Variants in PITPNM2 observed in about 807,000 individuals in gnomAD.
The protein encoded by PITPNM2 is membrane-associated phosphatidylinositol transfer protein 2.
In PITPNM2, 35 loss-of-function variants were observed where a neutral mutation model predicts 132.2. The observed-to-expected ratio is 0.26, with a 90% CI of 0.20 to 0.35. The LOEUF (loss-of-function observed/expected upper bound fraction) is 0.35, where lower values mean the gene tolerates loss of function less well. Among genes scored for constraint, PITPNM2 ranks in the 10% least tolerant of loss-of-function variants. The pLI, the probability that PITPNM2 is intolerant of heterozygous loss-of-function variation, is 1.00. For synonymous variants in PITPNM2, 738 were observed against 799.2 expected, an observed-to-expected ratio of 0.92 and a Z score of 1.29; for missense variants, 1,332 against 1,912.0, an observed-to-expected ratio of 0.70 and a Z score of 5.66.
intron 2 of PITPNM2, among the ~76,000 whole-genome samples, chr12:123,057,644 C>A (rs1040771894): frequency 6.6e-6 from 1 of 152,134 alleles, no homozygotes; most frequent in Non-Finnish European, 1.5e-5. Flanking sequence ...CTGGGGCGCC[C>A]GGCCAGAACC....
Position 123,036,964 on chromosome 12 carries a change from A to G in PITPNM2, c.-95-2279T>C, listed in dbSNP as rs1285180257. Reference sequence around the variant, plus strand: ...CCATTGCTGACCTTCTTCAAGGTCAATGGGTCTAGCTAACAGCCCATGGGA... The same window carrying G: ...CCATTGCTGACCTTCTTCAAGGTCAGTGGGTCTAGCTAACAGCCCATGGGA... On this transcript the variant is annotated intron_variant, in intron 2 of 25. Transcript: ENST00000320201. The surrounding 1 kb of genome is among the most constrained non-coding windows in gnomAD (Gnocchi z 4.1). Among the ~76,000 whole-genome samples, 1 of 152,248 alleles carries G rather than the reference A, an allele frequency of 6.6e-6. No individual in the cohort carries two copies. The highest frequency in any genetic ancestry group is 2.4e-5 in the African/African-American group (1 of 41,470).
intron 2 of PITPNM2, among the ~76,000 whole-genome samples, chr12:123,102,878 C>T (rs972146282): frequency 6.6e-6 from 1 of 152,200 alleles, no homozygotes; most frequent in African/African-American, 2.4e-5. Context: ...TGTCAGATCT[C>T]AGCCCCCACC....
intron 1 of PITPNM2, among the ~76,000 whole-genome samples, chr12:123,137,279 C>T (rs1223872586): frequency 6.6e-6 from 1 of 152,158 alleles, no homozygotes; most frequent in African/African-American, 2.4e-5. Context: ...AGGACACATA[C>T]CTGCCACCTT....
intron 3 of PITPNM2, among the ~76,000 whole-genome samples, chr12:123,028,604 A>G (rs1340539497): frequency 6.6e-6 from 1 of 152,184 alleles, no homozygotes; most frequent in Non-Finnish European, 1.5e-5. Flanking sequence ...GTGCACAGGA[A>G]AGTCAGGTGA....
At chr12:122,995,272 G>T in intron 14 of PITPNM2, 117 bp downstream of exon 14, 1 of 1,409,178 alleles carries the variant, frequency 7.1e-7, no homozygotes, top group East Asian at 2.4e-5. Flanking sequence ...GTCTCAGGCT[G>T]GGGGAACCTC....
chr12:123,109,816 C>A (rs1171039723), intron 2 of PITPNM2, among the ~76,000 whole-genome samples: 2 of 152,162 alleles, frequency 1.3e-5, no homozygotes, highest in African/African-American at 4.8e-5. Flanking sequence ...AAAGGCTGAC[C>A]CAAGCAGTTT....
intron 2 of PITPNM2, among the ~76,000 whole-genome samples, chr12:123,096,295 T>C (rs868003849): frequency 1.3e-5 from 2 of 152,224 alleles, no homozygotes; most frequent in African/African-American, 4.8e-5. Context: ...GCCCCAGCTC[T>C]TGGCCCTGGT....
chr12:123,071,381 C>T (rs1018238078), intron 2 of PITPNM2, among the ~76,000 whole-genome samples: 12 of 152,228 alleles, frequency 7.9e-5, no homozygotes, highest in East Asian at 3.8e-4. Context: ...CTGCTGACCA[C>T]GTGTTGTGCT....
chr12:123,029,424 A>T (rs2136404475), intron 3 of PITPNM2, among the ~76,000 whole-genome samples: 1 of 152,312 alleles, frequency 6.6e-6, no homozygotes, highest in South Asian at 2.1e-4. Context: ...CATCTCTACT[A>T]AAAATACAAA....
Position 122,997,184 on chromosome 12 carries a change from G to T in PITPNM2, c.1472+141C>A, listed in dbSNP as rs1225589830. On this transcript the variant is annotated intron_variant, in intron 11 of 25. Transcript: ENST00000320201. ...GCTTAGCCTGCGTGTATACGTTTGG[G>T]CACCTCCAGGTAGAAGGGGCTGGCC... The T allele has an allele frequency of 3.1e-6, 4 of 1,298,530 alleles. No homozygotes were observed. The African/African-American group carries it at 4.4e-5, about 14-fold the overall frequency. The allele number at this position is 1,298,530 out of a possible 1,614,324, so 80.4% of individuals were successfully genotyped here.
chr12:123,124,099 C>CA (rs1013318780), intron 1 of PITPNM2, among the ~76,000 whole-genome samples: 8 of 151,300 alleles, frequency 5.3e-5, no homozygotes, highest in African/African-American at 1.9e-4. Context: ...ACTAAAAATA[C>CA]AAAAAAATTA....
intron 2 of PITPNM2, chr12:123,084,862 G>C (rs922746759): frequency 2.0e-5 from 3 of 152,182 alleles, no homozygotes; most frequent in African/African-American, 7.2e-5. Flanking sequence ...TTTAAAGTCT[G>C]ATACATCAAA....
Position 122,986,632 on chromosome 12 carries a change from C to G in PITPNM2, c.3597+14G>C. On this transcript the variant is annotated intron_variant, in intron 24 of 25. Transcript: ENST00000320201. Reference sequence around the variant, plus strand: ...GCCCCCACCCCTGCCCTGCCCCATCCTCCCGGGCCCCACCTCGGAGATGAG... The same window carrying G: ...GCCCCCACCCCTGCCCTGCCCCATCGTCCCGGGCCCCACCTCGGAGATGAG... The G allele has an allele frequency of 6.2e-7, 1 of 1,609,918 alleles. No individual in the cohort carries two copies. Among genetic ancestry groups the G allele is most frequent in the East Asian group, 2.2e-5 (1 of 44,790 alleles).
chr12:123,113,508 T>C (rs1224318619), intron 1 of PITPNM2, among the ~76,000 whole-genome samples: 1 of 152,178 alleles, frequency 6.6e-6, no homozygotes, highest in East Asian at 1.9e-4. Flanking sequence ...AAGACAAGCC[T>C]GGGCAACATA....
At chr12:123,139,536 C>G (rs1192637854) in intron 1 of PITPNM2, among the ~76,000 whole-genome samples, 2 of 151,896 alleles carry the variant, frequency 1.3e-5, no homozygotes, top group Non-Finnish European at 2.9e-5. Context: ...CTGCACATCT[C>G]TGCCTTCTTT....
At position 123,011,178 on chromosome 12, in the gene PITPNM2, C is replaced by T. The variant is rs573996978; in HGVS notation, c.416-1101G>A. Among the ~76,000 whole-genome samples, 28 of 152,262 alleles carry T rather than the reference C, an allele frequency of 1.8e-4. No individual in the cohort carries two copies. In the East Asian group the frequency reaches 4.4e-3, roughly 24 times the overall value. On this transcript the variant is annotated intron_variant, in intron 5 of 25. Transcript: ENST00000320201. ...TTGTGGCTCACAGAACCCTTTTTTGCGGTCGGTTCTGCTCTAGCCAGGCCC... is the reference window on the plus strand; with the variant it reads ...TTGTGGCTCACAGAACCCTTTTTTGTGGTCGGTTCTGCTCTAGCCAGGCCC...
At chr12:123,012,238 T>C (rs1278202148) in intron 5 of PITPNM2, among the ~76,000 whole-genome samples, 1 of 152,200 alleles carries the variant, frequency 6.6e-6, no homozygotes, top group South Asian at 2.1e-4. Flanking sequence ...CTGGAGGTAG[T>C]GGGTAGGGCA....
chr12:123,074,604 C>T (rs1042632534), intron 2 of PITPNM2, among the ~76,000 whole-genome samples: 1 of 151,964 alleles, frequency 6.6e-6, no homozygotes. Context: ...CATAGACACA[C>T]ACATGCCTAC....
Position 123,141,639 on chromosome 12 carries a change from C to T in PITPNM2, c.-200+9114G>A, listed in dbSNP as rs150938091. On this transcript the variant is annotated intron_variant, in intron 1 of 25. Coordinates refer to ENST00000320201, the MANE Select transcript of PITPNM2 (RefSeq NM_020845.3). ...AGAAAAGCCCATAACACAGAGTCGA[C>T]GAGGCTGGGTATGGTATAGGAGCCA... is the stretch of plus-strand genomic sequence containing the variant. 5.2e-3 allele frequency among the ~76,000 whole-genome samples: 789 copies of T among 152,236 alleles called. 4 individuals are homozygous for T. The highest frequency in any genetic ancestry group is 6.9e-3 in the Non-Finnish European group (468 of 68,020).
Sources: allele counts gnomAD v4.1 joint callset (sites outside exome capture counted in the v4.1 genomes callset), GRCh38; gene constraint gnomAD v4.1.1; non-coding constraint Gnocchi (gnomAD v3.1); transcripts MANE v1.5; gene names NCBI Gene and HGNC (gene_info 2026-07-23, HGNC 2026-07-21).